CCDC171: variants seen among roughly 807,000 people sequenced by gnomAD.
CCDC171 encodes the protein coiled-coil domain containing 171.
In CCDC171, 177 loss-of-function variants were observed where a neutral mutation model predicts 168.2. The ratio of observed to expected loss-of-function variants is 1.05; its 90% CI spans 0.93 to 1.19. The LOEUF is 1.19. Ranked by LOEUF, CCDC171 falls within the 50% of genes most tolerant of loss-of-function variation. CCDC171 has a pLI of 0.00. For missense variants in CCDC171, 1,991 were observed against 1,539.0 expected (o/e 1.29, Z -4.91); for synonymous variants, 687 against 540.8 (o/e 1.27, Z -3.75).
rs1345730789 is a variant in CCDC171 at position 15,903,653 on chromosome 9, A to G, written c.3601-16617A>G. On this transcript the variant is annotated intron_variant, in intron 24 of 25. Coordinates refer to ENST00000380701, the MANE Select transcript of CCDC171 (RefSeq NM_173550.4). Reference sequence around the variant, plus strand: ...CTCCAAAGGAACTCGGCTCCTCACCAGCAACGGAAGAAAGCTGGATGGAGA... The same window carrying G: ...CTCCAAAGGAACTCGGCTCCTCACCGGCAACGGAAGAAAGCTGGATGGAGA... 3.3e-5 allele frequency among the ~76,000 whole-genome samples: 5 copies of G among 152,374 alleles called. No homozygotes were observed. In the East Asian group the frequency reaches 9.6e-4, roughly 29 times the overall value.
chr9:15,813,843 T>A, intron 21 of CCDC171, among the ~76,000 whole-genome samples: 1 of 152,346 alleles, frequency 6.6e-6, no homozygotes, highest in South Asian at 2.1e-4. Flanking sequence ...AAATGCCTTA[T>A]GCAGCCATGT....
At chr9:16,094,031 C>A in the CCDC171 span, among the ~76,000 whole-genome samples, 53 of 152,172 alleles carry the variant, frequency 3.5e-4, no homozygotes, top group Non-Finnish European at 7.1e-4. Context: ...CTTTCTCTTG[C>A]TAGTGGCTAA....
chr9:15,912,420 G>A (rs866602903), intron 24 of CCDC171, among the ~76,000 whole-genome samples: 1 of 152,146 alleles, frequency 6.6e-6, no homozygotes, highest in African/African-American at 2.4e-5. Context: ...CTTTGCTAAA[G>A]TTGCTTATCA....
At chr9:15,793,278 C>T (rs1191954740) in intron 21 of CCDC171, among the ~76,000 whole-genome samples, 1 of 151,712 alleles carries the variant, frequency 6.6e-6, no homozygotes, top group Non-Finnish European at 1.5e-5. Context: ...AGCTAACTAT[C>T]CTAAATATAT....
intron 25 of CCDC171, among the ~76,000 whole-genome samples, chr9:15,938,173 TC>T (rs1003796776): frequency 6.6e-6 from 1 of 151,834 alleles, no homozygotes; most frequent in African/African-American, 2.4e-5. Flanking sequence ...GGAATCTCAG[TC>T]CCAGAGAGAA....
intron 4 of CCDC171, among the ~76,000 whole-genome samples, chr9:15,584,817 C>G (rs1402662504): frequency 6.6e-6 from 1 of 152,068 alleles, no homozygotes; most frequent in Admixed American, 6.6e-5. Flanking sequence ...ACACGACTAC[C>G]TGGAATTTAG....
chr9:15,643,365 T>C (rs1241501301), intron 7 of CCDC171, among the ~76,000 whole-genome samples: 2 of 152,216 alleles, frequency 1.3e-5, no homozygotes, highest in African/African-American at 4.8e-5. Context: ...ATGCTCATTC[T>C]GGTGTGGGCT....
At chr9:15,875,625 A>C (rs1438566840) in intron 24 of CCDC171, 1 of 152,028 alleles carries the variant, frequency 6.6e-6, no homozygotes, top group Non-Finnish European at 1.5e-5. Flanking sequence ...GATTTAAAAT[A>C]ATCTTTTTCA....
intron 1 of CCDC171, among the ~76,000 whole-genome samples, chr9:16,059,164 T>C (rs1032160669): frequency 1.3e-5 from 2 of 152,228 alleles, no homozygotes; most frequent in African/African-American, 4.8e-5. Flanking sequence ...ATTACAATTA[T>C]AACAGCTGCC....
At chr9:16,000,888 C>T (rs185764716) in intron 3 of CCDC171, among the ~76,000 whole-genome samples, 1 of 152,218 alleles carries the variant, frequency 6.6e-6, no homozygotes, top group African/African-American at 2.4e-5. Flanking sequence ...AACTGGATCT[C>T]GCAGAGTTAC....
At chr9:16,058,543 C>T (rs1833880164) in intron 1 of CCDC171, among the ~76,000 whole-genome samples, 1 of 152,204 alleles carries the variant, frequency 6.6e-6, no homozygotes, top group Non-Finnish European at 1.5e-5. Context: ...TAATGAATTT[C>T]AGTGGTACTT....
intron 25 of CCDC171, among the ~76,000 whole-genome samples, chr9:15,944,882 T>TTCTA (rs1828155673): frequency 6.6e-6 from 1 of 151,500 alleles, no homozygotes; most frequent in South Asian, 2.1e-4. Flanking sequence ...CTTTCTTTCT[T>TTCTA]TCTTTTTTAT....
At chr9:15,685,240 G>C (rs1280254550) in intron 10 of CCDC171, among the ~76,000 whole-genome samples, 1 of 152,054 alleles carries the variant, frequency 6.6e-6, no homozygotes. Context: ...CAACAGTTTT[G>C]TTTATTTAGC....
chr9:15,808,183 A>C (rs979280787), intron 21 of CCDC171, among the ~76,000 whole-genome samples: 2 of 152,150 alleles, frequency 1.3e-5, no homozygotes, highest in African/African-American at 4.8e-5. Flanking sequence ...GGGAAAAGGC[A>C]GCTGGAGAGT....
intron 4 of CCDC171, among the ~76,000 whole-genome samples, chr9:15,582,745 A>G (rs1025675431): frequency 6.6e-6 from 1 of 151,962 alleles, no homozygotes; most frequent in Non-Finnish European, 1.5e-5. Flanking sequence ...GAACACATGG[A>G]CACAGGGAGG....
At chr9:15,894,681 T>G (rs1016040818) in intron 24 of CCDC171, among the ~76,000 whole-genome samples, 11 of 152,192 alleles carry the variant, frequency 7.2e-5, no homozygotes, top group African/African-American at 2.6e-4. Flanking sequence ...AGAGGCTTTG[T>G]GCTTGGTGGT....
intron 18 of CCDC171, among the ~76,000 whole-genome samples, chr9:15,756,474 T>C (rs1329275593): frequency 6.6e-6 from 1 of 152,196 alleles, no homozygotes; most frequent in East Asian, 1.9e-4. Flanking sequence ...GTACGAATGA[T>C]TCTGTCACCC....
intron 24 of CCDC171, among the ~76,000 whole-genome samples, chr9:15,913,275 G>T (rs528823472): frequency 6.6e-6 from 1 of 152,286 alleles, no homozygotes; most frequent in South Asian, 2.1e-4. Context: ...ATGTGTCCAG[G>T]AATTTATCCA....
In CCDC171 at chr9:15,796,114, A is replaced by G. The variant is rs114030810; in HGVS notation, c.3267+11420A>G. 6.9e-3 allele frequency among the ~76,000 whole-genome samples: 1,048 copies of G among 152,364 alleles called. 8 individuals carry two copies. The highest frequency in any genetic ancestry group is 0.024 in the African/African-American group (994 of 41,586). ...AATACTAGAAGAATTGAAATCAGCT[A>G]AACAGATACTTTAAGTGTTTTTTCA... is the stretch of plus-strand genomic sequence containing the variant. On this transcript the variant is annotated intron_variant, in intron 21 of 25. Coordinates refer to ENST00000380701, the MANE Select transcript of CCDC171 (RefSeq NM_173550.4).
Sources: allele counts gnomAD v4.1 joint callset (sites outside exome capture counted in the v4.1 genomes callset), GRCh38; gene constraint gnomAD v4.1.1; transcripts MANE v1.5; gene names NCBI Gene and HGNC (gene_info 2026-07-23, HGNC 2026-07-21).